STAB2: variants seen among roughly 807,000 people sequenced by gnomAD.
The protein encoded by STAB2 is stabilin 2.
A neutral mutation model predicts 338.1 loss-of-function variants in STAB2; 288 were observed. The observed-to-expected ratio is 0.85, with a 90% CI of 0.77 to 0.94. STAB2 has a LOEUF of 0.94. Ranked by LOEUF, STAB2 falls within the 40% of genes least tolerant of loss-of-function variation. The pLI is 0.00. For synonymous variants in STAB2, 1,202 were observed against 1,193.3 expected (o/e 1.01, Z -0.15); for missense variants, 3,141 against 3,210.1 (o/e 0.98, Z 0.52).
Position 103,695,574 on chromosome 12 carries a change from A to G in STAB2, c.3400A>G (p.Thr1134Ala), listed in dbSNP as rs776958553. 2.0e-5 allele frequency: 33 copies of G among 1,614,196 alleles called. No homozygotes were observed. The Admixed American group carries it at 5.5e-4, about 27-fold the overall frequency. Residue 1134 changes from threonine (T) to alanine (A), a missense_variant, in exon 32 of 69, where the codon ACT becomes GCT. Physicochemically the swap from Thr to Ala is moderately conservative, Grantham distance 58. Transcript: ENST00000388887. Reference sequence around the variant, plus strand: ...GGTGCTGGTCCCACAAAGACGTCTAACTGGCTCCTTACCAAACCTGCTCAT... The same window carrying G: ...GGTGCTGGTCCCACAAAGACGTCTAGCTGGCTCCTTACCAAACCTGCTCAT... The part of the protein sequence containing the change: ...NKVLVPQRRL[T>A]GSLPNLLMRL...
chr12:103,608,459 C>T (rs1348263501), intron 3 of STAB2, among the ~76,000 whole-genome samples: 2 of 152,168 alleles, frequency 1.3e-5, no homozygotes, highest in Non-Finnish European at 2.9e-5. Flanking sequence ...AGCATTTTTT[C>T]ATGTGTCTTT....
At chr12:103,728,707 A>T in intron 47 of STAB2, 142 bp from the exon 48 acceptor site, 1 of 1,050,326 alleles carries the variant, frequency 9.5e-7, no homozygotes, top group South Asian at 1.5e-5. Flanking sequence ...TCCACTCTAT[A>T]ATCCTGACCA....
chr12:103,734,372 C>CAAACAT (rs1163503080), intron 51 of STAB2, among the ~76,000 whole-genome samples: 1 of 146,772 alleles, frequency 6.8e-6, no homozygotes, highest in Non-Finnish European at 1.5e-5. Context: ...GGAACAAGAG[C>CAAACAT]GATCATATAG....
intron 18 of STAB2, 111 bp from the exon 19 acceptor site, chr12:103,666,180 G>A: frequency 1.9e-6 from 2 of 1,053,942 alleles, no homozygotes; most frequent in South Asian, 2.7e-5. Context: ...CAGGATCATG[G>A]CTCAGTGGGG....
intron 3 of STAB2, among the ~76,000 whole-genome samples, chr12:103,607,688 C>T (rs1337725959): frequency 6.6e-6 from 1 of 152,170 alleles, no homozygotes; most frequent in African/African-American, 2.4e-5. Context: ...TTTCCAGCTT[C>T]ATCCATGTCC....
At chr12:103,721,812 G>A (rs1880790749) in intron 44 of STAB2, among the ~76,000 whole-genome samples, 1 of 152,156 alleles carries the variant, frequency 6.6e-6, no homozygotes, top group Admixed American at 6.5e-5. Flanking sequence ...GAGAGAGGGA[G>A]ATAAATCACT....
At position 103,742,472 on chromosome 12, in the gene STAB2, C is replaced by G; in HGVS notation, c.5949C>G (p.Thr1983=). The change falls in exon 56 of 69, where the codon ACC becomes ACG. Residue 1983 remains threonine (T), a synonymous_variant. Transcript: ENST00000388887. ...RGVCLDQYSA[T]GECKCNTGFN... Reference sequence around the variant, plus strand: ...TCTGCCTTGATCAGTACTCGGCCACCGGAGAGTGTAAATGCAACACCGGCT... The same window carrying G: ...TCTGCCTTGATCAGTACTCGGCCACGGGAGAGTGTAAATGCAACACCGGCT... 6.2e-7 allele frequency: 1 copy of G among 1,614,048 alleles called. No homozygotes were observed. The highest frequency in any genetic ancestry group is 8.5e-7 in the Non-Finnish European group (1 of 1,180,018).
intron 5 of STAB2, among the ~76,000 whole-genome samples, chr12:103,623,608 A>G (rs1957337092): frequency 6.6e-6 from 1 of 152,174 alleles, no homozygotes; most frequent in South Asian, 2.1e-4. Flanking sequence ...GCAAGGAAAC[A>G]TGTTCTCCCC....
Position 103,711,458 on chromosome 12 carries a change from TTC to T in STAB2, c.4289-9_4289-8del. The T allele has an allele frequency of 6.2e-7, 1 of 1,614,020 alleles. No individual in the cohort carries two copies. The highest frequency in any genetic ancestry group is 8.5e-7 in the Non-Finnish European group (1 of 1,180,006). On this transcript the variant is annotated splice_polypyrimidine_tract_variant and intron_variant, in intron 39 of 68. Coordinates refer to ENST00000388887, the MANE Select transcript of STAB2 (RefSeq NM_017564.10). Reference sequence around the variant, plus strand: ...GTAAGAGGGCTAAGACAGCAACTGGTTCTCTTTTTCAGCAACCACAGAAGACA... The same window carrying T: ...GTAAGAGGGCTAAGACAGCAACTGGTTCTTTTTCAGCAACCACAGAAGACA...
chr12:103,758,843 G>A (rs1238753084), intron 64 of STAB2, among the ~76,000 whole-genome samples: 1 of 152,026 alleles, frequency 6.6e-6, no homozygotes, highest in South Asian at 2.1e-4. Flanking sequence ...AGCCCCACCA[G>A]CCACCTGAGG....
In STAB2 at chr12:103,699,255, C is replaced by G. The variant is rs751663001; in HGVS notation, c.3714+28C>G. 5 of 1,578,218 alleles carry G rather than the reference C, an allele frequency of 3.2e-6. No individual in the cohort carries two copies. In the African/African-American group the frequency reaches 5.4e-5, roughly 17 times the overall value. ...ACGATCCTTTTATGTAAAACCCCAG[C>G]AATGCCACCGAGAATTACATCAGGG... On this transcript the variant is annotated intron_variant, in intron 34 of 68. Transcript: ENST00000388887.
At chr12:103,675,804 C>A in intron 23 of STAB2, 124 bp from the exon 24 acceptor site, 1 of 674,596 alleles carries the variant, frequency 1.5e-6, no homozygotes, top group Non-Finnish European at 2.5e-6. Context: ...TGAGCGCTGG[C>A]TTCCTCCACA....
chr12:103,707,172 CCAAA>C (rs1338676062), intron 38 of STAB2, among the ~76,000 whole-genome samples, 185 bp downstream of exon 38: 1 of 152,238 alleles, frequency 6.6e-6, no homozygotes. Flanking sequence ...TGCAGTGTTC[CCAAA>C]CATTTTCAGT....
chr12:103,755,492 G>A, intron 62 of STAB2, 25 bp downstream of exon 62: 3 of 1,611,904 alleles, frequency 1.9e-6, no homozygotes, highest in Non-Finnish European at 1.7e-6. Flanking sequence ...TACACTTCAG[G>A]TTCTGGGCCA....
At chr12:103,705,141 AAT>A (rs1474691094) in intron 36 of STAB2, 1 of 156,584 alleles carries the variant, frequency 6.4e-6, no homozygotes, top group Admixed American at 6.2e-5. Context: ...GTTTTTACTA[AAT>A]ATATGATAAT....
chr12:103,670,801 A>T lies in STAB2; in HGVS notation c.2365A>T (p.Asn789Tyr). 3 of 1,613,478 alleles carry T rather than the reference A, an allele frequency of 1.9e-6. No individual in the cohort carries two copies. In the East Asian group the frequency reaches 6.7e-5, roughly 36 times the overall value. The change falls in exon 22 of 69, where the codon AAC becomes TAC. Residue 789 changes from asparagine to tyrosine, a missense_variant. By Grantham distance (143) the Asn-to-Tyr change is moderately radical. Transcript: ENST00000388887. Reference protein sequence around the residue: ...SDPNKYGPRCNKKCLCVHGTC... With the variant: ...SDPNKYGPRCYKKCLCVHGTC... Reference sequence around the variant, plus strand: ...TCCCAATAAATACGGACCTCGGTGTAACAAAAGTAAGTGGCACTTCCAGAG... The same window carrying T: ...TCCCAATAAATACGGACCTCGGTGTTACAAAAGTAAGTGGCACTTCCAGAG...
intron 44 of STAB2, among the ~76,000 whole-genome samples, chr12:103,720,873 G>A (rs1333696352): frequency 6.6e-6 from 1 of 152,146 alleles, no homozygotes; most frequent in Non-Finnish European, 1.5e-5. Context: ...GTTCACAGAC[G>A]GTGCCTTCTT....
intron 3 of STAB2, among the ~76,000 whole-genome samples, chr12:103,618,626 T>C (rs1051978730): frequency 2.4e-4 from 36 of 152,172 alleles, no homozygotes; most frequent in African/African-American, 8.7e-4. Flanking sequence ...AGGAAGGTGG[T>C]CACTTCAGTA....
Position 103,587,554 on chromosome 12 carries a change from G to T in STAB2, c.78G>T (p.Gly26=), listed in dbSNP as rs1220271281. The T allele has an allele frequency of 1.9e-6, 3 of 1,613,146 alleles. No individual in the cohort carries two copies. Among genetic ancestry groups the T allele is most frequent in the Non-Finnish European group, 1.7e-6 (2 of 1,179,256 alleles). Residue 26 remains glycine (G), a synonymous_variant, in exon 1 of 69, where the codon GGG becomes GGT. Transcript: ENST00000388887. The part of the protein sequence containing the change: ...QNFCSPAETT[G]QARRCDRKSL... ...TCTGCTCCCCAGCTGAAACCACAGGGCAGGTAAGAGGAGACTTACATATTT... is the reference window on the plus strand; with the variant it reads ...TCTGCTCCCCAGCTGAAACCACAGGTCAGGTAAGAGGAGACTTACATATTT...
Sources: gnomAD v4.1 joint callset for allele counts (sites outside exome capture counted in the v4.1 genomes callset) on GRCh38, gnomAD v4.1.1 for gene constraint, MANE v1.5 for transcripts, NCBI Gene and HGNC (gene_info 2026-07-23, HGNC 2026-07-21) for gene names.